MSH5: variants seen among roughly 807,000 people sequenced by gnomAD.
The protein encoded by MSH5 is mutS homolog 5, also known as mutS protein homolog 5.
MSH5 carries 78 observed loss-of-function variants against 107.7 expected under a neutral mutation model. The observed-to-expected ratio is 0.72, with a 90% CI of 0.60 to 0.87. MSH5 has a LOEUF of 0.87. MSH5 is among the 40% of genes least tolerant of loss of function. The pLI, the probability that MSH5 is intolerant of heterozygous loss-of-function variation, is 0.00. For missense variants in MSH5, 889 were observed against 1,046.6 expected, an observed-to-expected ratio of 0.85 and a Z score of 2.08; for synonymous variants, 326 against 399.5, an observed-to-expected ratio of 0.82 and a Z score of 2.19.
Position 31,762,454 on chromosome 6 carries a change from G to T in MSH5, c.2428G>T (p.Asp810Tyr), listed in dbSNP as rs1562253176. The T allele has an allele frequency of 6.2e-7, 1 of 1,613,936 alleles. No homozygotes were observed. The highest frequency in any genetic ancestry group is 8.5e-7 in the Non-Finnish European group (1 of 1,179,916). ...QTLVDKFMKL[D>Y]LEDPNLDLNV... Reference sequence around the variant, plus strand: ...ATTAGTGGATAAGTTTATGAAACTGGATTTGGAAGATCCTAACCTGGACTT... The same window carrying T: ...ATTAGTGGATAAGTTTATGAAACTGTATTTGGAAGATCCTAACCTGGACTT... Residue 810 changes from aspartate (D) to tyrosine (Y), a missense_variant, in exon 25 of 25, where the codon GAT becomes TAT. Physicochemically the swap from Asp to Tyr is radical, Grantham distance 160. Around this residue, in one of 3 missense-constraint regions of MSH5, gnomAD observed 362 missense variants for 456.2 expected, o/e 0.79. Transcript: ENST00000375750.
chr6:31,761,145 G>C lies in MSH5; in HGVS notation c.1963-43G>C. 2 of 1,591,790 alleles carry C rather than the reference G, an allele frequency of 1.3e-6. No individual in the cohort carries two copies. Among genetic ancestry groups the C allele is most frequent in the Non-Finnish European group, 1.7e-6 (2 of 1,164,288 alleles). On this transcript the variant is annotated intron_variant, in intron 20 of 24. Transcript: ENST00000375750. The surrounding 1 kb of genome is among the most constrained non-coding windows in gnomAD (Gnocchi z 5.3). ...GCCAACTGTGGTCAGTGCGTTACGG[G>C]CTTCCAATACTAACTTTCCCTTGTC...
chr6:31,753,696 T>A, intron 12 of MSH5, 67 bp downstream of exon 12: 1 of 1,449,844 alleles, frequency 6.9e-7, no homozygotes. Flanking sequence ...CCAGACTGTC[T>A]GTACCCTAGA....
At chr6:31,754,018 G>A (rs1810215413) in intron 12 of MSH5, 2 of 176,696 alleles carry the variant, frequency 1.1e-5, no homozygotes, top group South Asian at 2.7e-4. Flanking sequence ...GAACCACCAG[G>A]CCCGGCCTCC....
intron 12 of MSH5, 171 bp downstream of exon 12, chr6:31,753,800 C>A: frequency 1.6e-6 from 1 of 625,082 alleles, no homozygotes; most frequent in Non-Finnish European, 2.8e-6. Context: ...GCGATCTTGG[C>A]TCACTGCAAC....
intron 10 of MSH5, among the ~76,000 whole-genome samples, chr6:31,751,820 C>T (rs1307995217): frequency 6.6e-6 from 1 of 151,930 alleles, no homozygotes; most frequent in South Asian, 2.1e-4. Flanking sequence ...TACAAATGGC[C>T]AGGCGCAGTA....
Position 31,747,415 on chromosome 6 carries a change from G to A in MSH5, c.795G>A (p.Trp265Ter), listed in dbSNP as rs760225808. 4 of 1,613,054 alleles carry A rather than the reference G, an allele frequency of 2.5e-6. No individual in the cohort carries two copies. The highest frequency in any genetic ancestry group is 1.7e-5 in the Admixed American group (1 of 60,012). The part of the protein sequence containing the change: ...FGILNRCHCK[W>*]GEKLLRLWFT... ...TCCTCAACAGATGCCACTGTAAGTGGGGAGAGAAGCTGCTCAGGTGAGTGG... is the reference window on the plus strand; with the variant it reads ...TCCTCAACAGATGCCACTGTAAGTGAGGAGAGAAGCTGCTCAGGTGAGTGG... The change falls in exon 10 of 25, where the codon TGG (tryptophan) becomes TGA (stop). Residue 265 changes from tryptophan to a stop codon, truncating the protein, a stop_gained. Coordinates refer to ENST00000375750, the MANE Select transcript of MSH5 (RefSeq NM_172166.4). LOFTEE classifies it high-confidence loss of function.
Position 31,761,437 on chromosome 6 carries a change from A to G in MSH5, c.2038-35A>G, listed in dbSNP as rs754812488. 6 of 1,611,464 alleles carry G rather than the reference A, an allele frequency of 3.7e-6. No homozygotes were observed. Among genetic ancestry groups the G allele is most frequent in the Non-Finnish European group, 4.2e-6 (5 of 1,179,526 alleles). ...GTGCAGAGGGGCATATGGGGTCCCC[A>G]TGGCTCCGAATGCTAACCTCTGCCC... On this transcript the variant is annotated intron_variant, in intron 21 of 24. Transcript: ENST00000375750. This position sits in a 1 kb window ranked among gnomAD's most constrained non-coding sequence, Gnocchi z 5.3.
In MSH5 at chr6:31,754,753, C is replaced by CTT. The variant is rs71552080; in HGVS notation, c.1014+1140_1014+1141dup. 5.8e-4 allele frequency among the ~76,000 whole-genome samples: 79 copies of CTT among 135,358 alleles called. 1 individual carries two copies. Among genetic ancestry groups the CTT allele is most frequent in the African/African-American group, 8.9e-4 (32 of 35,962 alleles). The allele number at this position is 135,358 out of a possible 152,430, so 88.8% of individuals were successfully genotyped here. A position where few individuals can be genotyped will look rare whatever the true frequency, so the allele number is the denominator to read the frequency against. Reference sequence around the variant, plus strand: ...AATATTTCAGTGTAATTTCTTTTTTCTTTTTTTTTTTTTTTTTGAGATGGA... The same window carrying CTT: ...AATATTTCAGTGTAATTTCTTTTTTCTTTTTTTTTTTTTTTTTTTGAGATGGA... On this transcript the variant is annotated intron_variant, in intron 12 of 24. Coordinates refer to ENST00000375750, the MANE Select transcript of MSH5 (RefSeq NM_172166.4).
rs1400792271 is a variant in MSH5, at chr6:31,747,394, C to A, written c.774C>A (p.Leu258=). 1 of 1,612,970 alleles carries A rather than the reference C, an allele frequency of 6.2e-7. No individual in the cohort carries two copies. The highest frequency in any genetic ancestry group is 1.1e-5 in the South Asian group (1 of 91,074). ...CTGCCTTATCCCTCACAGGAATCCT[C>A]AACAGATGCCACTGTAAGTGGGGAG... ...LKEGLSLFGI[L]NRCHCKWGEK... is the part of the protein sequence containing the mutation. The change falls in exon 10 of 25, where the codon CTC becomes CTA. Residue 258 remains leucine (L), a synonymous_variant. Transcript: ENST00000375750.
chr6:31,746,080 T>TGTGTGTGTGTGTGTGTG (rs1809423458), intron 9 of MSH5: 9 of 116,736 alleles, frequency 7.7e-5, no homozygotes, highest in African/African-American at 3.0e-4. Flanking sequence ...GTGTCCAGTT[T>TGTGTGTGTGTGTGTGTG]TGTGTGTGTG....
intron 10 of MSH5, among the ~76,000 whole-genome samples, chr6:31,749,759 C>T (rs1249299116): frequency 6.6e-6 from 1 of 152,072 alleles, no homozygotes; most frequent in Non-Finnish European, 1.5e-5. Flanking sequence ...ATACCTGTTA[C>T]CTCAGTGTCT....
chr6:31,750,664 A>G lies in MSH5; in HGVS notation c.813-2637A>G, dbSNP rs573409470. On this transcript the variant is annotated intron_variant, in intron 10 of 24. Transcript: ENST00000375750. ...GATGGCTATTTACAGACTGGCCTAC[A>G]CTGTTCTGGTGGGAGCCCTCAGTGA... Among the ~76,000 whole-genome samples, 24 of 152,162 alleles carry G rather than the reference A, an allele frequency of 1.6e-4. 1 individual carries two copies. The South Asian group carries it at 4.2e-3, about 26-fold the overall frequency.
At chr6:31,745,622 G>A (rs577681291) in intron 9 of MSH5, among the ~76,000 whole-genome samples, 1 of 152,212 alleles carries the variant, frequency 6.6e-6, no homozygotes, top group Non-Finnish European at 1.5e-5. Flanking sequence ...GGGAGACCTT[G>A]TGTATAGAGA....
chr6:31,760,253 T>A lies in MSH5; in HGVS notation c.1812+37T>A. 1 of 1,537,330 alleles carries A rather than the reference T, an allele frequency of 6.5e-7. No individual in the cohort carries two copies. Among genetic ancestry groups the A allele is most frequent in the South Asian group, 1.3e-5 (1 of 77,886 alleles). On this transcript the variant is annotated intron_variant, in intron 19 of 24. Coordinates refer to ENST00000375750, the MANE Select transcript of MSH5 (RefSeq NM_172166.4). This position sits in a 1 kb window ranked among gnomAD's most constrained non-coding sequence, Gnocchi z 5.6. The stretch of plus-strand genomic sequence containing the variant: ...CCCTGCAGCCTGGGCCTCTGGCGTC[T>A]CCTGCATCTACTCCACCCCTACTTG...
In MSH5 at chr6:31,761,498, T is replaced by C. The variant is rs763281096; in HGVS notation, c.2064T>C (p.Ala688=). The C allele has an allele frequency of 5.0e-6, 8 of 1,613,466 alleles. No homozygotes were observed. The African/African-American group carries it at 1.1e-4, about 22-fold the overall frequency. The change falls in exon 22 of 25, where the codon GCT becomes GCC. Residue 688 remains alanine, a synonymous_variant. Coordinates refer to ENST00000375750, the MANE Select transcript of MSH5 (RefSeq NM_172166.4). This position sits in a 1 kb window ranked among gnomAD's most constrained non-coding sequence, Gnocchi z 5.3. ...NTVDGLALLA[A]VLRHWLARGP... ...TGGATGGGCTCGCGCTTCTGGCCGC[T>C]GTGCTCCGACACTGGCTGGCACGTG...
chr6:31,758,035 TGCCTTTGA>T lies in MSH5; in HGVS notation c.1015-128_1015-121del. 8.8e-7 allele frequency: 1 copy of T among 1,138,558 alleles called. No individual in the cohort carries two copies. The highest frequency in any genetic ancestry group is 1.4e-5 in the South Asian group (1 of 70,718). 70.5% of individuals were successfully genotyped at this position (1,138,558 alleles called of 1,614,324 possible). On this transcript the variant is annotated intron_variant, in intron 12 of 24. Transcript: ENST00000375750. This position sits in a 1 kb window ranked among gnomAD's most constrained non-coding sequence, Gnocchi z 5.1. Reference sequence around the variant, plus strand: ...TACAGTGCCTCTCACTGTTTCTTTTTGCCTTTGAGATCTTCCCTCTTTGTTACTGTGAT... The same window carrying T: ...TACAGTGCCTCTCACTGTTTCTTTTTGATCTTCCCTCTTTGTTACTGTGAT...
chr6:31,744,294 T>G lies in MSH5; in HGVS notation c.642T>G (p.Phe214Leu), dbSNP rs1470357782. The G allele has an allele frequency of 1.2e-6, 2 of 1,614,116 alleles. No individual in the cohort carries two copies. The highest frequency in any genetic ancestry group is 1.7e-6 in the Non-Finnish European group (2 of 1,180,018). Residue 214 changes from phenylalanine to leucine, a missense_variant, in exon 7 of 25, where the codon TTT (phenylalanine) becomes TTG (leucine). Transcript: ENST00000375750. The part of the protein sequence containing the change: ...VSVPILGFKK[F>L]MLTHLVNIDQ... ...TCCCCATCCTGGGCTTTAAGAAATT[T>G]ATGTTGTAGGTGATTCACCCCAACC... is the stretch of plus-strand genomic sequence containing the variant.
Position 31,760,490 on chromosome 6 carries a change from G to A in MSH5, c.1813-200G>A, listed in dbSNP as rs2075801. On this transcript the variant is annotated intron_variant, in intron 19 of 24. Coordinates refer to ENST00000375750, the MANE Select transcript of MSH5 (RefSeq NM_172166.4). The surrounding 1 kb of genome is among the most constrained non-coding windows in gnomAD (Gnocchi z 5.6). ...CCAAGTATGTCTCTGCCCACGTCCC[G>A]TGCCTCTTCACTGATTCTAAATTAG... 0.21 allele frequency among the ~76,000 whole-genome samples: 32,368 copies of A among 152,102 alleles called. 3,815 individuals are homozygous for A. Among genetic ancestry groups the A allele is most frequent in the African/African-American group, 0.27 (11,400 of 41,478 alleles).
intron 12 of MSH5, among the ~76,000 whole-genome samples, chr6:31,756,158 T>C (rs1033926324): frequency 2.0e-5 from 3 of 152,168 alleles, no homozygotes; most frequent in Non-Finnish European, 4.4e-5. Context: ...TACCTAAATC[T>C]ATTATTCATT....
Sources: allele counts gnomAD v4.1 joint callset (sites outside exome capture counted in the v4.1 genomes callset), GRCh38; gene constraint gnomAD v4.1.1; regional missense constraint gnomAD v4.1.1; non-coding constraint Gnocchi (gnomAD v3.1); transcripts MANE v1.5; gene names NCBI Gene and HGNC (gene_info 2026-07-23, HGNC 2026-07-21).